Variants in KLHL12 observed in about 807,000 individuals in gnomAD.
The protein encoded by KLHL12 is kelch-like protein 12.
KLHL12 carries 17 observed loss-of-function variants against 60.8 expected under a neutral mutation model. That is an observed-to-expected ratio of 0.28 (90% CI 0.19 to 0.42). KLHL12 has a LOEUF of 0.42. KLHL12 is among the 10% of genes least tolerant of loss of function. The pLI is 1.00. For missense variants in KLHL12, 468 were observed against 722.3 expected (o/e 0.65, Z 4.04); for synonymous variants, 220 against 250.9 (o/e 0.88, Z 1.16).
chr1:202,895,781 T>C lies in KLHL12; in HGVS notation c.940-64A>G. 1 of 1,261,870 alleles carries C rather than the reference T, an allele frequency of 7.9e-7. No individual in the cohort carries two copies. Among genetic ancestry groups the C allele is most frequent in the Non-Finnish European group, 1.1e-6 (1 of 879,010 alleles). The allele number at this position is 1,261,870 out of a possible 1,614,324, so 78.2% of individuals were successfully genotyped here. ...TAGGCAAGTTTTGGGCCTTACCTTTTGCTATCTTCCCTGTTGTATCTGCAC... is the reference window on the plus strand; with the variant it reads ...TAGGCAAGTTTTGGGCCTTACCTTTCGCTATCTTCCCTGTTGTATCTGCAC... On this transcript the variant is annotated intron_variant, in intron 7 of 11. Coordinates refer to ENST00000367261, the MANE Select transcript of KLHL12 (RefSeq NM_021633.4). The surrounding 1 kb of genome is among the most constrained non-coding windows in gnomAD (Gnocchi z 4.2).
chr1:202,900,672 T>C (rs1169170270), intron 6 of KLHL12, among the ~76,000 whole-genome samples: 1 of 152,188 alleles, frequency 6.6e-6, no homozygotes, highest in African/African-American at 2.4e-5. Context: ...AAGGCCAGCC[T>C]GGCCAACATG....
rs954830450 is a variant in KLHL12, at chr1:202,918,185, A to C, written c.553T>G (p.Cys185Gly). ...SQGEVEKLIK[C>G]DEIQVDSEEP... Reference sequence around the variant, plus strand: ...CAAATCCGTACCTGAATTTCGTCGCACTTGATTAGCTTTTCCACCTCTCCT... The same window carrying C: ...CAAATCCGTACCTGAATTTCGTCGCCCTTGATTAGCTTTTCCACCTCTCCT... The change falls in exon 4 of 12, where the codon TGC (cysteine) becomes GGC (glycine). Residue 185 changes from cysteine (C) to glycine (G), a missense_variant. Transcript: ENST00000367261. 1 of 1,613,438 alleles carries C rather than the reference A, an allele frequency of 6.2e-7. No homozygotes were observed.
chr1:202,918,081 G>T, intron 4 of KLHL12, 90 bp downstream of exon 4: 1 of 914,420 alleles, frequency 1.1e-6, no homozygotes. Flanking sequence ...ACTTAATTAT[G>T]AAGCCCTGAT....
chr1:202,910,896 A>G (rs747307536), intron 5 of KLHL12, among the ~76,000 whole-genome samples, 158 bp downstream of exon 5: 27 of 152,196 alleles, frequency 1.8e-4, no homozygotes, highest in Non-Finnish European at 2.4e-4. Flanking sequence ...TTTTCTTAGA[A>G]ATATGCTTGG....
rs1440083285 is a variant in KLHL12 at position 202,895,347 on chromosome 1, T to C, written c.1135+175A>G. ...AGGTTGAGGCTGCAGTGAGCCGTGA[T>C]CACACCACTGCACTCCAGCCTGGGC... On this transcript the variant is annotated intron_variant, in intron 8 of 11. Coordinates refer to ENST00000367261, the MANE Select transcript of KLHL12 (RefSeq NM_021633.4). This position sits in a 1 kb window ranked among gnomAD's most constrained non-coding sequence, Gnocchi z 4.2. Among the ~76,000 whole-genome samples, 1 of 152,070 alleles carries C rather than the reference T, an allele frequency of 6.6e-6. No homozygotes were observed. The highest frequency in any genetic ancestry group is 1.5e-5 in the Non-Finnish European group (1 of 67,998).
intron 4 of KLHL12, among the ~76,000 whole-genome samples, chr1:202,916,683 C>T (rs1452716242): frequency 1.1e-4 from 16 of 152,010 alleles, no homozygotes; most frequent in Admixed American, 1.0e-3. Flanking sequence ...CAAAATAAAT[C>T]AGGAGAGAGT....
chr1:202,896,414 C>CG (rs1659835705), intron 7 of KLHL12, among the ~76,000 whole-genome samples: 1 of 152,174 alleles, frequency 6.6e-6, no homozygotes, highest in Non-Finnish European at 1.5e-5. Flanking sequence ...TGGTCTTGAA[C>CG]TCCTGGCCTC....
Position 202,924,967 on chromosome 1 carries a change from C to G in KLHL12, c.195+1G>C. Reference sequence around the variant, plus strand: ...TTGTGTGGGGCTAATTTACCACTTACCTCACTAGTGAACATGGCACAGAAG... The same window carrying G: ...TTGTGTGGGGCTAATTTACCACTTAGCTCACTAGTGAACATGGCACAGAAG... On this transcript the variant is annotated splice_donor_variant, in intron 2 of 11. Coordinates refer to ENST00000367261, the MANE Select transcript of KLHL12 (RefSeq NM_021633.4). LOFTEE classifies it high-confidence loss of function. 5 of 1,613,214 alleles carry G rather than the reference C, an allele frequency of 3.1e-6. No individual in the cohort carries two copies. The highest frequency in any genetic ancestry group is 4.2e-6 in the Non-Finnish European group (5 of 1,179,476).
chr1:202,912,718 G>C, intron 4 of KLHL12: 1 of 1,398,844 alleles, frequency 7.1e-7, no homozygotes, highest in Non-Finnish European at 1.0e-6. Context: ...TATGGCAGTG[G>C]CAGAAGATTT....
chr1:202,917,290 C>T (rs771586916), intron 4 of KLHL12, among the ~76,000 whole-genome samples: 4 of 152,184 alleles, frequency 2.6e-5, no homozygotes, highest in Non-Finnish European at 5.9e-5. Context: ...TCATGGCTCA[C>T]TGCAGCCTCA....
chr1:202,900,611 C>T (rs961223680), intron 6 of KLHL12, among the ~76,000 whole-genome samples: 2 of 152,134 alleles, frequency 1.3e-5, no homozygotes, highest in Non-Finnish European at 2.9e-5. Flanking sequence ...CGCCTGTAAT[C>T]ACAGCACTTT....
intron 2 of KLHL12, among the ~76,000 whole-genome samples, chr1:202,921,586 T>G (rs1660699665): frequency 6.6e-6 from 1 of 152,242 alleles, no homozygotes; most frequent in Non-Finnish European, 1.5e-5. Flanking sequence ...TTCAAAATAT[T>G]GGGTTAGACT....
chr1:202,908,811 A>G (rs1660271146), intron 6 of KLHL12, among the ~76,000 whole-genome samples, 199 bp downstream of exon 6: 1 of 152,234 alleles, frequency 6.6e-6, no homozygotes, highest in Non-Finnish European at 1.5e-5. Context: ...CCAAATAATT[A>G]TGTGAAGTAG....
intron 4 of KLHL12, chr1:202,912,291 A>G (rs1660386670): frequency 1.2e-6 from 1 of 858,090 alleles, no homozygotes; most frequent in African/African-American, 1.6e-5. Context: ...TGACTCTGTG[A>G]ATAAGACTGC....
At chr1:202,898,932 G>C (rs1213293550) in intron 6 of KLHL12, among the ~76,000 whole-genome samples, 1 of 150,750 alleles carries the variant, frequency 6.6e-6, no homozygotes, top group African/African-American at 2.4e-5. Context: ...TGGCATTCTA[G>C]ATGTGGCAGA....
intron 1 of KLHL12, among the ~76,000 whole-genome samples, chr1:202,926,335 CA>C (rs1653552800): frequency 6.6e-6 from 1 of 152,048 alleles, no homozygotes; most frequent in Admixed American, 6.6e-5. Flanking sequence ...CTGTGGTCTC[CA>C]AAAGTCCACA....
At chr1:202,926,989 T>C (rs1411891111) in intron 1 of KLHL12, 100 bp downstream of exon 1, 20 of 883,636 alleles carry the variant, frequency 2.3e-5, no homozygotes, top group Non-Finnish European at 2.6e-5. Flanking sequence ...TGTCTCCCAT[T>C]CCGCCTTGCA....
intron 1 of KLHL12, 32 bp from the exon 2 acceptor site, chr1:202,925,239 T>C: frequency 6.3e-7 from 1 of 1,590,936 alleles, no homozygotes; most frequent in Non-Finnish European, 8.6e-7. Flanking sequence ...AATGAGCATA[T>C]TCAAAGAACT....
chr1:202,899,486 C>T (rs967039582), intron 6 of KLHL12, among the ~76,000 whole-genome samples: 3 of 151,924 alleles, frequency 2.0e-5, no homozygotes, highest in African/African-American at 7.3e-5. Context: ...TAAAGTGGAC[C>T]CTCTCCAAAG....
Sources: allele counts gnomAD v4.1 joint callset (sites outside exome capture counted in the v4.1 genomes callset), GRCh38; gene constraint gnomAD v4.1.1; non-coding constraint Gnocchi (gnomAD v3.1); transcripts MANE v1.5; gene names NCBI Gene and HGNC (gene_info 2026-07-23, HGNC 2026-07-21).